Variants in IGF1R observed in about 807,000 individuals in gnomAD.
The protein encoded by IGF1R is insulin-like growth factor 1 receptor.
IGF1R carries 44 observed loss-of-function variants against 144.6 expected under a neutral mutation model. That is an observed-to-expected ratio of 0.30 (90% CI 0.24 to 0.39). The LOEUF (loss-of-function observed/expected upper bound fraction) is 0.39, where lower values mean the gene tolerates loss of function less well. Among genes scored for constraint, IGF1R ranks in the 10% least tolerant of loss-of-function variants. The pLI, the probability that IGF1R is intolerant of heterozygous loss-of-function variation, is 1.00. For synonymous variants in IGF1R, 795 were observed against 722.8 expected, an observed-to-expected ratio of 1.10 and a Z score of -1.60; for missense variants, 1,355 against 1,833.7, an observed-to-expected ratio of 0.74 and a Z score of 4.77.
chr15:98,742,814 G>A (rs2054776736), intron 2 of IGF1R, among the ~76,000 whole-genome samples: 1 of 152,140 alleles, frequency 6.6e-6, no homozygotes, highest in Non-Finnish European at 1.5e-5. Flanking sequence ...GGGAGGCTGA[G>A]GCGGGTGGAT....
intron 2 of IGF1R, among the ~76,000 whole-genome samples, chr15:98,865,061 G>GC (rs769561747): frequency 6.6e-6 from 1 of 152,164 alleles, no homozygotes; most frequent in Non-Finnish European, 1.5e-5. Flanking sequence ...ATCTCAGTAG[G>GC]CTAGGTATCA....
intron 1 of IGF1R, among the ~76,000 whole-genome samples, chr15:98,672,509 G>A (rs1298296807): frequency 6.7e-6 from 1 of 149,110 alleles, no homozygotes; most frequent in East Asian, 2.0e-4. Context: ...GGCAGAGGTT[G>A]CAGCGAGACA....
chr15:98,880,217 C>T (rs555848247), intron 2 of IGF1R, among the ~76,000 whole-genome samples: 12 of 152,288 alleles, frequency 7.9e-5, no homozygotes, highest in African/African-American at 2.2e-4. Flanking sequence ...AGCTAGAGGA[C>T]GATTCCTGAG....
intron 1 of IGF1R, among the ~76,000 whole-genome samples, chr15:98,656,798 C>T (rs1432771710): frequency 6.6e-6 from 1 of 152,200 alleles, no homozygotes; most frequent in East Asian, 1.9e-4. Context: ...TGTGTATCTC[C>T]ATCCATCCGT....
chr15:98,695,622 A>G (rs2053577609), intron 1 of IGF1R, among the ~76,000 whole-genome samples: 1 of 152,230 alleles, frequency 6.6e-6, no homozygotes, highest in Non-Finnish European at 1.5e-5. Flanking sequence ...AAGAGTTCTC[A>G]TAGTAAATCA....
At chr15:98,938,685 G>A (rs1211095364) in intron 17 of IGF1R, among the ~76,000 whole-genome samples, 2 of 152,312 alleles carry the variant, frequency 1.3e-5, no homozygotes, top group East Asian at 1.9e-4. Context: ...GAAGAAGGTT[G>A]AAGGGAAAGA....
At chr15:98,928,911 A>G (rs970445465) in intron 13 of IGF1R, among the ~76,000 whole-genome samples, 8 of 151,998 alleles carry the variant, frequency 5.3e-5, no homozygotes, top group Non-Finnish European at 1.0e-4. Context: ...CAGTGTGTGC[A>G]TGTGTGTGTG....
intron 2 of IGF1R, among the ~76,000 whole-genome samples, chr15:98,810,541 TTTC>T (rs933585467): frequency 6.6e-6 from 1 of 150,688 alleles, no homozygotes. Flanking sequence ...TCTAAATGAT[TTTC>T]TTTTCTTTTC....
At chr15:98,867,154 GGAGAGAGAGAGAGAGA>G (rs60863950) in intron 2 of IGF1R, among the ~76,000 whole-genome samples, 5 of 146,238 alleles carry the variant, frequency 3.4e-5, no homozygotes, top group South Asian at 4.4e-4. Flanking sequence ...AGAGAAAGGG[GGAGAGAGAGAGAGAGA>G]GAGAGAGAGA....
chr15:98,649,883 T>C (rs955531537), intron 1 of IGF1R, among the ~76,000 whole-genome samples: 1 of 152,116 alleles, frequency 6.6e-6, no homozygotes, highest in Non-Finnish European at 1.5e-5. Context: ...CCGCGGGCCC[T>C]GGCTCCGCGC....
intron 2 of IGF1R, among the ~76,000 whole-genome samples, chr15:98,850,445 T>C (rs1329338818): frequency 1.3e-5 from 2 of 152,076 alleles, no homozygotes; most frequent in Non-Finnish European, 2.9e-5. Context: ...CACCACCTGG[T>C]AAATCTGCCT....
chr15:98,951,331 G>C (rs1281189423), intron 20 of IGF1R, among the ~76,000 whole-genome samples: 1 of 152,228 alleles, frequency 6.6e-6, no homozygotes, highest in African/African-American at 2.4e-5. Context: ...CCTCATCAAG[G>C]AAACTTCCCA....
intron 1 of IGF1R, among the ~76,000 whole-genome samples, chr15:98,679,808 C>T (rs1334572647): frequency 6.6e-6 from 1 of 152,114 alleles, no homozygotes; most frequent in Non-Finnish European, 1.5e-5. Context: ...GATGGCTCCG[C>T]CTGGGTTACT....
At chr15:98,650,942 C>A in intron 1 of IGF1R, 3 of 984,904 alleles carry the variant, frequency 3.0e-6, no homozygotes, top group Non-Finnish European at 3.6e-6. Context: ...GTGTCTACGG[C>A]CGGAGGAGGT....
At chr15:98,832,005 C>A (rs537380441) in intron 2 of IGF1R, among the ~76,000 whole-genome samples, 5 of 152,048 alleles carry the variant, frequency 3.3e-5, no homozygotes, top group Non-Finnish European at 7.4e-5. Flanking sequence ...GGTCAGGGAC[C>A]TTGAGGCTGC....
Position 98,951,260 on chromosome 15 carries a change from G to A in IGF1R, c.3722+2552G>A, listed in dbSNP as rs368299225. On this transcript the variant is annotated intron_variant, in intron 20 of 20. Coordinates refer to ENST00000650285, the MANE Select transcript of IGF1R (RefSeq NM_000875.5). ...GTGCCCTGGGCCTGGGCCAGTGATGGGAGGCTCCTCTTCTCTGAGGGTGGC... is the reference window on the plus strand; with the variant it reads ...GTGCCCTGGGCCTGGGCCAGTGATGAGAGGCTCCTCTTCTCTGAGGGTGGC... Among the ~76,000 whole-genome samples the A allele has an allele frequency of 1.2e-4, 19 of 152,306 alleles. No individual in the cohort carries two copies. In the East Asian group the frequency reaches 2.7e-3, roughly 22 times the overall value.
intron 1 of IGF1R, among the ~76,000 whole-genome samples, chr15:98,693,053 G>A (rs1189402205): frequency 1.3e-5 from 2 of 152,174 alleles, no homozygotes; most frequent in African/African-American, 4.8e-5. Flanking sequence ...GGAGGGGCTG[G>A]TGGAGCATGC....
intron 1 of IGF1R, among the ~76,000 whole-genome samples, chr15:98,687,435 A>AGTAAAGGAATATC (rs1159725535): frequency 2.0e-5 from 3 of 152,212 alleles, no homozygotes; most frequent in African/African-American, 7.2e-5. Context: ...TCTCGTCCTT[A>AGTAAAGGAATATC]GTAAAGGAAT....
chr15:98,962,370 AAGC>A lies in IGF1R; in HGVS notation c.*4933_*4935del, dbSNP rs2017260095. ...GTCAGCTGTCTTCATTTCCTGGGCT[AAGC>A]AGCATTGGGAGATGTGGACCAGAGA... On this transcript the variant is annotated 3_prime_UTR_variant, in exon 21 of 21. Transcript: ENST00000650285. 4.3e-6 allele frequency: 1 copy of A among 233,530 alleles called. No individual in the cohort carries two copies. The highest frequency in any genetic ancestry group is 8.5e-6 in the Non-Finnish European group (1 of 118,094). 14.5% of individuals were successfully genotyped at this position (233,530 alleles called of 1,614,324 possible).
Sources: allele counts gnomAD v4.1 joint callset (sites outside exome capture counted in the v4.1 genomes callset), GRCh38; gene constraint gnomAD v4.1.1; transcripts MANE v1.5; gene names NCBI Gene and HGNC (gene_info 2026-07-23, HGNC 2026-07-21).